The following CAPS2 variants were observed in gnomAD, a reference collection of about 807,000 sequenced individuals.
CAPS2 encodes calcyphosine 2.
A neutral mutation model predicts 86.5 loss-of-function variants in CAPS2; 98 were observed. That is an observed-to-expected ratio of 1.13 (90% CI 0.96 to 1.34). The LOEUF is 1.34. CAPS2 is among the 40% of genes most tolerant of loss of function. The probability of loss-of-function intolerance (pLI) is 0.00; values close to 1 mark genes in which losing one functional copy is unlikely to be tolerated. For synonymous variants in CAPS2, 210 were observed against 225.1 expected (o/e 0.93, Z 0.60); for missense variants, 729 against 686.8 (o/e 1.06, Z -0.69).
At chr12:75,364,925 G>A (rs914443817) in intron 1 of CAPS2, 6 of 151,962 alleles carry the variant, frequency 3.9e-5, no homozygotes, top group Non-Finnish European at 2.9e-5. Context: ...AATTCTACAG[G>A]AATCAGCAAA....
intron 8 of CAPS2, 95 bp downstream of exon 8, chr12:75,304,662 C>A: frequency 1.1e-6 from 1 of 951,916 alleles, no homozygotes; most frequent in Non-Finnish European, 1.4e-6. Context: ...AAAAGTGAAA[C>A]AAACACAAAA....
intron 11 of CAPS2, among the ~76,000 whole-genome samples, chr12:75,293,706 C>T (rs1296671000): frequency 6.6e-6 from 1 of 152,096 alleles, no homozygotes; most frequent in Non-Finnish European, 1.5e-5. Flanking sequence ...TACAGAATGA[C>T]ATACCACAAA....
chr12:75,378,402 G>C (rs1046992246), intron 1 of CAPS2, among the ~76,000 whole-genome samples: 2 of 152,300 alleles, frequency 1.3e-5, no homozygotes, highest in Middle Eastern at 6.8e-3. Flanking sequence ...CGGAGAGAAA[G>C]GGGGAGAGGG....
Position 75,316,304 on chromosome 12 carries a change from C to A in CAPS2, c.591+8G>T. ...CTCACCAAATAAGTAAAAATGCTGA[C>A]AACTTACTGCATCCAATTTTCTTGC... is the stretch of plus-strand genomic sequence containing the variant. On this transcript the variant is annotated splice_region_variant and intron_variant, in intron 6 of 16. Coordinates refer to ENST00000393284, the Ensembl canonical transcript of CAPS2. 9.7e-6 allele frequency: 15 copies of A among 1,550,118 alleles called. No individual in the cohort carries two copies. Among genetic ancestry groups the A allele is most frequent in the Non-Finnish European group, 1.3e-5 (15 of 1,146,024 alleles).
chr12:75,368,519 G>T (rs1039960647), intron 1 of CAPS2, among the ~76,000 whole-genome samples: 1 of 150,506 alleles, frequency 6.6e-6, no homozygotes, highest in South Asian at 2.1e-4. Flanking sequence ...ACAATATTAC[G>T]TTATTCTTTC....
chr12:75,321,694 T>C (rs1357621841), intron 4 of CAPS2, 118 bp from the exon 5 acceptor site: 15 of 720,818 alleles, frequency 2.1e-5, no homozygotes, highest in Non-Finnish European at 3.3e-5. Flanking sequence ...ACCATTATAG[T>C]CAATGTTCTA....
chr12:75,311,720 AAAAC>A (rs1565874201), intron 7 of CAPS2, among the ~76,000 whole-genome samples: 188 of 17,190 alleles, frequency 0.011, 40 homozygotes, highest in Admixed American at 0.019. Context: ...AACAAAAAAA[AAAAC>A]AAAAAAAAAA....
At chr12:75,340,098 T>C (rs2042002614) in intron 1 of CAPS2, among the ~76,000 whole-genome samples, 1 of 151,596 alleles carries the variant, frequency 6.6e-6, no homozygotes, top group Non-Finnish European at 1.5e-5. Flanking sequence ...TTTTTATGGC[T>C]GAGTCGTATT....
chr12:75,286,001 T>C (rs548290901), intron 14 of CAPS2, among the ~76,000 whole-genome samples: 2 of 152,224 alleles, frequency 1.3e-5, no homozygotes, highest in African/African-American at 4.8e-5. Context: ...CACTATTTAA[T>C]AGAAAGTTCT....
At chr12:75,380,868 A>C (rs2044925255) in intron 1 of CAPS2, among the ~76,000 whole-genome samples, 1 of 152,250 alleles carries the variant, frequency 6.6e-6, no homozygotes, top group Admixed American at 6.5e-5. Flanking sequence ...AAAGGCTAGG[A>C]ATCTTATTTT....
chr12:75,306,088 G>C (rs1167706422), intron 7 of CAPS2: 1 of 1,448,880 alleles, frequency 6.9e-7, no homozygotes, highest in African/African-American at 1.4e-5. Context: ...CTGGGGCTGC[G>C]GCCCTGGAAG....
chr12:75,278,691 C>T, exon 17 of CAPS2: 1 of 1,293,142 alleles, frequency 7.7e-7, no homozygotes, highest in Non-Finnish European at 9.8e-7. Context: ...CACTAACACA[C>T]CCCTACATCT....
chr12:75,382,552 A>C (rs949281609), intron 1 of CAPS2, among the ~76,000 whole-genome samples: 1 of 152,102 alleles, frequency 6.6e-6, no homozygotes, highest in South Asian at 2.1e-4. Flanking sequence ...AGTCATGAGA[A>C]TCACTTGAAC....
intron 8 of CAPS2, among the ~76,000 whole-genome samples, chr12:75,302,147 T>C (rs72652872): frequency 6.6e-6 from 1 of 152,014 alleles, no homozygotes; most frequent in Non-Finnish European, 1.5e-5. Context: ...TAAATTTATG[T>C]AGCAGAACTC....
chr12:75,334,963 T>C (rs373732295), upstream of CAPS2: 97 of 1,486,112 alleles, frequency 6.5e-5, no homozygotes, highest in African/African-American at 1.2e-3. Context: ...ATCTGGGTGA[T>C]AAATTTCACG....
chr12:75,319,803 G>A (rs2040127349), intron 5 of CAPS2, among the ~76,000 whole-genome samples: 2 of 151,910 alleles, frequency 1.3e-5, no homozygotes, highest in Non-Finnish European at 2.9e-5. Flanking sequence ...TTTAAAGAGG[G>A]GCTTATATTT....
downstream of CAPS2, chr12:75,276,063 G>A: frequency 2.7e-6 from 2 of 732,700 alleles, no homozygotes; most frequent in South Asian, 6.1e-5. Flanking sequence ...AAATAAAAAT[G>A]GAACGATATG....
chr12:75,371,841 G>A (rs113951588), intron 1 of CAPS2, among the ~76,000 whole-genome samples: 2,428 of 152,200 alleles, frequency 0.016, 53 homozygotes, highest in African/African-American at 0.055. Context: ...TACAGTCCTC[G>A]TTTCTGCAAC....
intron 7 of CAPS2, among the ~76,000 whole-genome samples, chr12:75,309,274 C>T (rs566039590): frequency 7.2e-5 from 11 of 152,218 alleles, no homozygotes; most frequent in East Asian, 3.9e-4. Flanking sequence ...GAGCTCAGTC[C>T]GCTCCCCCAC....
Sources: gnomAD v4.1 joint callset for allele counts (sites outside exome capture counted in the v4.1 genomes callset) on GRCh38, gnomAD v4.1.1 for gene constraint, MANE v1.5 for transcripts, NCBI Gene and HGNC (gene_info 2026-07-23, HGNC 2026-07-21) for gene names.